The following MRPL42 variants were observed in gnomAD, a reference collection of about 807,000 sequenced individuals.
The protein encoded by MRPL42 is mitochondrial ribosomal protein L42, also known as large ribosomal subunit protein mL42.
A neutral mutation model predicts 17.9 loss-of-function variants in MRPL42; 17 were observed. The observed-to-expected ratio is 0.95, with a 90% CI of 0.65 to 1.42. MRPL42 has a LOEUF of 1.42. MRPL42 is among the 40% of genes most tolerant of loss of function. MRPL42 has a pLI of 0.00. For missense variants in MRPL42, 177 were observed against 175.2 expected, an observed-to-expected ratio of 1.01 and a Z score of -0.06; for synonymous variants, 59 against 54.4, an observed-to-expected ratio of 1.08 and a Z score of -0.37.
chr12:93,486,654 A>T (rs74865538), intron 4 of MRPL42, among the ~76,000 whole-genome samples: 7,831 of 149,424 alleles, frequency 0.052, 256 homozygotes, highest in South Asian at 0.14. Flanking sequence ...TGTCATTTTC[A>T]ATGAAAAGTT....
Position 93,504,654 on chromosome 12 carries a change from T to C in MRPL42, c.*3433T>C, listed in dbSNP as rs1482041600. ...TATAAGAGGCCTTATTATGGGCTTATTTCCTTTGCAGCCCTTTACCATAAT... is the reference window on the plus strand; with the variant it reads ...TATAAGAGGCCTTATTATGGGCTTACTTCCTTTGCAGCCCTTTACCATAAT... On this transcript the variant is annotated 3_prime_UTR_variant, in exon 6 of 6. Transcript: ENST00000549982. The C allele has an allele frequency of 6.6e-6, 1 of 152,206 alleles. No individual in the cohort carries two copies. The highest frequency in any genetic ancestry group is 6.5e-5 in the Admixed American group (1 of 15,278). 9.4% of individuals were successfully genotyped at this position (152,206 alleles called of 1,614,324 possible).
At chr12:93,475,308 G>T (rs763831898) in intron 2 of MRPL42, among the ~76,000 whole-genome samples, 11 of 151,740 alleles carry the variant, frequency 7.2e-5, no homozygotes, top group Non-Finnish European at 1.3e-4. Context: ...TAGAGAGGGG[G>T]TTTCACCATG....
chr12:93,501,312 GTAA>G lies in MRPL42; in HGVS notation c.*96_*98del. 1 of 788,284 alleles carries G rather than the reference GTAA, an allele frequency of 1.3e-6. No individual in the cohort carries two copies. Among genetic ancestry groups the G allele is most frequent in the Non-Finnish European group, 1.9e-6 (1 of 522,350 alleles). The allele number at this position is 788,284 out of a possible 1,614,324, so 48.8% of individuals were successfully genotyped here. A position where few individuals can be genotyped will look rare whatever the true frequency, so the allele number is the denominator to read the frequency against. On this transcript the variant is annotated 3_prime_UTR_variant, in exon 6 of 6. Coordinates refer to ENST00000549982, the MANE Select transcript of MRPL42 (RefSeq NM_014050.4). The stretch of plus-strand genomic sequence containing the variant: ...GGTGTATTCAGTAATATATAGTAAA[GTAA>G]TAATGATAAAATATCTTTTCATATA...
At chr12:93,484,323 A>G (rs1880602692) in intron 4 of MRPL42, among the ~76,000 whole-genome samples, 1 of 152,130 alleles carries the variant, frequency 6.6e-6, no homozygotes, top group African/African-American at 2.4e-5. Flanking sequence ...CAAGCCTCAC[A>G]AAGTGCTGGA....
At chr12:93,488,491 G>C (rs1953352938) in intron 5 of MRPL42, 4 of 377,900 alleles carry the variant, frequency 1.1e-5, no homozygotes, top group African/African-American at 4.2e-5. Flanking sequence ...AGTGAATTTT[G>C]TAAGAGTTCT....
At chr12:93,486,493 C>T (rs577918213) in intron 4 of MRPL42, among the ~76,000 whole-genome samples, 3 of 152,138 alleles carry the variant, frequency 2.0e-5, no homozygotes, top group African/African-American at 4.8e-5. Flanking sequence ...TACAGGTGTG[C>T]GCTACCGCAC....
intron 4 of MRPL42, among the ~76,000 whole-genome samples, chr12:93,479,887 T>C (rs1479006739): frequency 1.3e-5 from 2 of 151,630 alleles, no homozygotes; most frequent in Non-Finnish European, 2.9e-5. Flanking sequence ...TTTTTTTTTT[T>C]TAACATTTGG....
rs1953777926 is a variant in MRPL42, at chr12:93,516,003, C to T, written c.*14782C>T. 6.6e-6 allele frequency: 1 copy of T among 152,320 alleles called. No individual in the cohort carries two copies. Among genetic ancestry groups the T allele is most frequent in the Admixed American group, 6.5e-5 (1 of 15,304 alleles). 9.4% of individuals were successfully genotyped at this position (152,320 alleles called of 1,614,324 possible). ...CTTTGTCCCAGCTCTAGTCTGCCTTCCCTATAGAGAAGATGTATTGAGATA... is the reference window on the plus strand; with the variant it reads ...CTTTGTCCCAGCTCTAGTCTGCCTTTCCTATAGAGAAGATGTATTGAGATA... On this transcript the variant is annotated 3_prime_UTR_variant, in exon 6 of 6. Coordinates refer to ENST00000549982, the MANE Select transcript of MRPL42 (RefSeq NM_014050.4).
At chr12:93,489,609 C>T (rs1367910587) in intron 5 of MRPL42, among the ~76,000 whole-genome samples, 1 of 152,132 alleles carries the variant, frequency 6.6e-6, no homozygotes, top group Non-Finnish European at 1.5e-5. Context: ...TCTCAGCTCA[C>T]TGCAACTTCC....
At chr12:93,484,195 T>C (rs1565813415) in intron 4 of MRPL42, among the ~76,000 whole-genome samples, 1 of 152,168 alleles carries the variant, frequency 6.6e-6, no homozygotes, top group Non-Finnish European at 1.5e-5. Context: ...AAGTATATAG[T>C]ATAGTAAATG....
intron 2 of MRPL42, among the ~76,000 whole-genome samples, chr12:93,473,456 A>G (rs553260053): frequency 2.5e-4 from 38 of 152,092 alleles, no homozygotes; most frequent in African/African-American, 8.9e-4. Context: ...TTTGAGATGG[A>G]GTTTCACTCT....
rs527596312 is a variant in MRPL42 at position 93,510,214 on chromosome 12, T to C, written c.*8993T>C. The C allele has an allele frequency of 6.6e-6, 1 of 152,348 alleles. No individual in the cohort carries two copies. Among genetic ancestry groups the C allele is most frequent in the East Asian group, 1.9e-4 (1 of 5,194 alleles). 9.4% of individuals were successfully genotyped at this position (152,348 alleles called of 1,614,324 possible). On this transcript the variant is annotated 3_prime_UTR_variant, in exon 6 of 6. Coordinates refer to ENST00000549982, the MANE Select transcript of MRPL42 (RefSeq NM_014050.4). The stretch of plus-strand genomic sequence containing the variant: ...ATAAAGTATATATAGCCTTTTCACA[T>C]TGGTTTCTTTCACTGGATAATATGC...
intron 2 of MRPL42, 39 bp downstream of exon 2, chr12:93,469,394 C>G (rs4761722): frequency 0.19 from 276,873 of 1,452,992 alleles, 28,915 homozygotes; most frequent in Non-Finnish European, 0.21. Flanking sequence ...AACTTTTAAA[C>G]TTTTAAGAAT....
rs2121296129 is a variant in MRPL42 at position 93,506,935 on chromosome 12, A to G, written c.*5714A>G. 1 of 152,350 alleles carries G rather than the reference A, an allele frequency of 6.6e-6. No homozygotes were observed. The highest frequency in any genetic ancestry group is 2.1e-4 in the South Asian group (1 of 4,830). 9.4% of individuals were successfully genotyped at this position (152,350 alleles called of 1,614,324 possible). ...AGATAGAATCGTAAAGCTGAAAGAC[A>G]TCTTAAAGATGATTTTTGGGGACTG... On this transcript the variant is annotated 3_prime_UTR_variant, in exon 6 of 6. Transcript: ENST00000549982.
chr12:93,477,431 A>G (rs1195329886), intron 3 of MRPL42, among the ~76,000 whole-genome samples: 1 of 152,210 alleles, frequency 6.6e-6, no homozygotes, highest in South Asian at 2.1e-4. Flanking sequence ...TTTGGTACTT[A>G]TTCAATTTAG....
rs375239947 is a variant in MRPL42, at chr12:93,475,901, A to G, written c.71-1053A>G. 1.1e-4 allele frequency among the ~76,000 whole-genome samples: 17 copies of G among 152,162 alleles called. No individual in the cohort carries two copies. In the East Asian group the frequency reaches 2.9e-3, roughly 26 times the overall value. The stretch of plus-strand genomic sequence containing the variant: ...GAGGCTGAGGCAGGAGAATGGCGTG[A>G]ACCTGGGAGGCGGAGCTTGCAGTGA... On this transcript the variant is annotated intron_variant, in intron 2 of 5. Coordinates refer to ENST00000549982, the MANE Select transcript of MRPL42 (RefSeq NM_014050.4).
chr12:93,477,017 G>A lies in MRPL42; in HGVS notation c.134G>A (p.Cys45Tyr), dbSNP rs1211529919. Residue 45 changes from cysteine (C) to tyrosine (Y), a missense_variant and splice_region_variant, in exon 3 of 6, where the codon TGC becomes TAC. Cys to Tyr is a radical substitution (Grantham distance 194). Coordinates refer to ENST00000549982, the MANE Select transcript of MRPL42 (RefSeq NM_014050.4). ...TCTCCTCTACCAGATGACTATAATT[G>A]GTATGTATTAAAATTCAATTGAAGA... ...TYSPLPDDYN[C>Y]NVELALTSDG... 1 of 1,572,926 alleles carries A rather than the reference G, an allele frequency of 6.4e-7. No individual in the cohort carries two copies. The highest frequency in any genetic ancestry group is 8.7e-7 in the Non-Finnish European group (1 of 1,148,206).
In MRPL42 at chr12:93,477,002, C is replaced by A; in HGVS notation, c.119C>A (p.Pro40Gln). ...CATAAATCTACGTATTCTCCTCTAC[C>A]AGATGACTATAATTGGTATGTATTA... is the stretch of plus-strand genomic sequence containing the variant. ...VCHKSTYSPL[P>Q]DDYNCNVELA... The change falls in exon 3 of 6, where the codon CCA (proline) becomes CAA (glutamine). Residue 40 changes from proline (P) to glutamine (Q), a missense_variant. Pro to Gln is a moderately conservative substitution (Grantham distance 76). Transcript: ENST00000549982. 6.2e-7 allele frequency: 1 copy of A among 1,600,506 alleles called. No homozygotes were observed. The highest frequency in any genetic ancestry group is 8.5e-7 in the Non-Finnish European group (1 of 1,170,434).
At chr12:93,468,664 G>A (rs914675013) in intron 1 of MRPL42, among the ~76,000 whole-genome samples, 8 of 152,244 alleles carry the variant, frequency 5.3e-5, no homozygotes, top group African/African-American at 1.9e-4. Context: ...GGACTTGAGG[G>A]CATTTATGAG....
Sources: gnomAD v4.1 joint callset for allele counts (sites outside exome capture counted in the v4.1 genomes callset) on GRCh38, gnomAD v4.1.1 for gene constraint, MANE v1.5 for transcripts, NCBI Gene and HGNC (gene_info 2026-07-23, HGNC 2026-07-21) for gene names.